The following EXOC4 variants were observed in gnomAD, a reference collection of about 807,000 sequenced individuals.
EXOC4 encodes SEC8-like 1.
A neutral mutation model predicts 107.2 loss-of-function variants in EXOC4; 71 were observed. That is an observed-to-expected ratio of 0.66 (90% confidence interval 0.55 to 0.81). EXOC4 has a LOEUF of 0.81. Among genes scored for constraint, EXOC4 ranks in the 30% least tolerant of loss-of-function variants. EXOC4 has a pLI of 0.00. For synonymous variants in EXOC4, 456 were observed against 441.2 expected (o/e 1.03, Z -0.42); for missense variants, 1,108 against 1,189.6 (o/e 0.93, Z 1.01).
At chr7:133,951,049 G>A (rs555798734) in intron 14 of EXOC4, among the ~76,000 whole-genome samples, 1 of 152,292 alleles carries the variant, frequency 6.6e-6, no homozygotes, top group South Asian at 2.1e-4. Context: ...GCGGAGCATG[G>A]GTCACTGACA....
the EXOC4 span, among the ~76,000 whole-genome samples, chr7:134,098,117 C>A: frequency 6.6e-6 from 1 of 152,118 alleles, no homozygotes; most frequent in Non-Finnish European, 1.5e-5. Flanking sequence ...TCTTTTCAAC[C>A]AAGATCCCTG....
chr7:133,599,993 T>G (rs996783131), intron 9 of EXOC4, among the ~76,000 whole-genome samples: 1 of 148,660 alleles, frequency 6.7e-6, no homozygotes, highest in African/African-American at 2.5e-5. Flanking sequence ...CTAAACCTCC[T>G]TGGCTCAGGT....
chr7:134,030,471 GGAA>G (rs1170158254), intron 17 of EXOC4, among the ~76,000 whole-genome samples: 1 of 152,174 alleles, frequency 6.6e-6, no homozygotes, highest in Admixed American at 6.5e-5. Flanking sequence ...AGCGACAGAT[GGAA>G]GAAGTTCACT....
intron 13 of EXOC4, among the ~76,000 whole-genome samples, chr7:133,926,929 A>G (rs1800064947): frequency 6.6e-6 from 1 of 152,142 alleles, no homozygotes; most frequent in Admixed American, 6.5e-5. Context: ...AGCAAGCAAG[A>G]TGGTTGATCT....
intron 10 of EXOC4, among the ~76,000 whole-genome samples, chr7:133,636,317 G>C (rs991133792): frequency 5.3e-5 from 8 of 152,274 alleles, no homozygotes; most frequent in African/African-American, 1.7e-4. Flanking sequence ...TGAGTTGGTT[G>C]GTTTGGATGT....
intron 15 of EXOC4, among the ~76,000 whole-genome samples, chr7:133,999,735 C>T (rs1258496441): frequency 2.0e-5 from 3 of 152,116 alleles, no homozygotes; most frequent in Non-Finnish European, 4.4e-5. Context: ...TACTATTGAT[C>T]GTGTGCTTAT....
intron 10 of EXOC4, among the ~76,000 whole-genome samples, chr7:133,753,901 T>C (rs1795845155): frequency 6.6e-6 from 1 of 152,206 alleles, no homozygotes; most frequent in Non-Finnish European, 1.5e-5. Context: ...TTTGAACTTT[T>C]AGCAGGTGGA....
intron 12 of EXOC4, among the ~76,000 whole-genome samples, chr7:133,912,183 T>C (rs909459410): frequency 6.6e-6 from 1 of 152,182 alleles, no homozygotes; most frequent in South Asian, 2.1e-4. Context: ...ATTGGGAAGT[T>C]ATGGATAAGT....
chr7:133,906,062 A>G (rs1295804764), intron 12 of EXOC4, among the ~76,000 whole-genome samples: 1 of 152,144 alleles, frequency 6.6e-6, no homozygotes, highest in Non-Finnish European at 1.5e-5. Context: ...GAAAGGAGAA[A>G]TTTCTTGTAT....
At chr7:133,756,095 T>A (rs933061699) in intron 10 of EXOC4, among the ~76,000 whole-genome samples, 2 of 152,246 alleles carry the variant, frequency 1.3e-5, no homozygotes, top group Non-Finnish European at 2.9e-5. Flanking sequence ...TAAAACCACT[T>A]GTACTATTTT....
At chr7:133,418,680 G>C (rs1341869923) in intron 7 of EXOC4, among the ~76,000 whole-genome samples, 2 of 152,114 alleles carry the variant, frequency 1.3e-5, no homozygotes, top group African/African-American at 4.8e-5. Context: ...CCTAGGGTTT[G>C]TTGTTTTCCT....
intron 3 of EXOC4, among the ~76,000 whole-genome samples, chr7:133,291,196 G>A (rs932042281): frequency 6.6e-6 from 1 of 151,894 alleles, no homozygotes; most frequent in Non-Finnish European, 1.5e-5. Context: ...CACATTTTCC[G>A]GAGGTTTTGT....
intron 13 of EXOC4, among the ~76,000 whole-genome samples, chr7:133,926,051 A>C (rs1800044343): frequency 6.6e-6 from 1 of 151,396 alleles, no homozygotes; most frequent in Non-Finnish European, 1.5e-5. Context: ...TCAAAAAAAA[A>C]AAAAAAAAAA....
At chr7:133,666,151 AG>A (rs1793807889) in intron 10 of EXOC4, among the ~76,000 whole-genome samples, 1 of 152,140 alleles carries the variant, frequency 6.6e-6, no homozygotes, top group South Asian at 2.1e-4. Flanking sequence ...GGCATCCAAG[AG>A]GGAAATAGAC....
intron 11 of EXOC4, among the ~76,000 whole-genome samples, chr7:133,846,623 G>A (rs1798132577): frequency 6.6e-6 from 1 of 152,222 alleles, no homozygotes; most frequent in African/African-American, 2.4e-5. Flanking sequence ...ATAATGCAGG[G>A]ACCAACAATC....
intron 10 of EXOC4, among the ~76,000 whole-genome samples, chr7:133,746,110 A>G (rs1795672378): frequency 6.6e-6 from 1 of 152,124 alleles, no homozygotes; most frequent in South Asian, 2.1e-4. Context: ...AATTTCTCAT[A>G]TTACATGTTC....
chr7:133,968,546 ATC>A (rs1158240839), intron 14 of EXOC4, among the ~76,000 whole-genome samples: 3 of 152,076 alleles, frequency 2.0e-5, no homozygotes, highest in African/African-American at 7.2e-5. Flanking sequence ...TGGTGACAAA[ATC>A]TCTCAACATT....
intron 11 of EXOC4, among the ~76,000 whole-genome samples, chr7:133,846,389 T>C (rs1355070283): frequency 1.3e-5 from 2 of 152,160 alleles, no homozygotes; most frequent in Non-Finnish European, 2.9e-5. Context: ...TTACCACCCT[T>C]AACTGAGCTG....
intron 17 of EXOC4, among the ~76,000 whole-genome samples, chr7:134,030,958 A>C (rs1336964128): frequency 6.6e-6 from 1 of 152,114 alleles, no homozygotes; most frequent in Non-Finnish European, 1.5e-5. Flanking sequence ...ATCTCCTACA[A>C]CATACAACAC....
Sources: allele counts gnomAD v4.1 joint callset (sites outside exome capture counted in the v4.1 genomes callset), GRCh38; gene constraint gnomAD v4.1.1; transcripts MANE v1.5; gene names NCBI Gene and HGNC (gene_info 2026-07-23, HGNC 2026-07-21).